The following ARV1 variants were observed in gnomAD, a reference collection of about 807,000 sequenced individuals.
ARV1 encodes protein ARV1.
ARV1 carries 26 observed loss-of-function variants against 31.1 expected under a neutral mutation model. That is an observed-to-expected ratio of 0.84 (90% CI 0.61 to 1.16). The LOEUF is 1.16. Ranked by LOEUF, ARV1 falls within the 50% of genes most tolerant of loss-of-function variation. The probability of loss-of-function intolerance (pLI) is 0.00; values close to 1 mark genes in which losing one functional copy is unlikely to be tolerated. For synonymous variants in ARV1, 117 were observed against 123.2 expected, an observed-to-expected ratio of 0.95 and a Z score of 0.34; for missense variants, 281 against 324.9, an observed-to-expected ratio of 0.86 and a Z score of 1.04.
intron 3 of ARV1, 84 bp from the exon 4 acceptor site, chr1:230,995,676 T>C: frequency 9.8e-7 from 1 of 1,020,800 alleles, no homozygotes; most frequent in Non-Finnish European, 1.4e-6. Flanking sequence ...ATAAGCTGTA[T>C]TTTAGAATGG....
At chr1:230,991,496 C>T (rs902482964) in intron 3 of ARV1, among the ~76,000 whole-genome samples, 1 of 152,184 alleles carries the variant, frequency 6.6e-6, no homozygotes, top group Non-Finnish European at 1.5e-5. Context: ...CAGCCTTCTC[C>T]TTCTCAGTTG....
At chr1:230,990,989 C>T (rs565458580) in intron 3 of ARV1, among the ~76,000 whole-genome samples, 11 of 152,154 alleles carry the variant, frequency 7.2e-5, no homozygotes, top group Non-Finnish European at 1.3e-4. Context: ...TTGCATTATA[C>T]TAATGCAGTG....
chr1:230,986,668 A>ATTTTTTTTTTTTTTTTTTTTTTTT (rs1162209283), intron 1 of ARV1, among the ~76,000 whole-genome samples: 8 of 62,288 alleles, frequency 1.3e-4, no homozygotes, highest in Non-Finnish European at 1.9e-4. Flanking sequence ...TACTTTTCCT[A>ATTTTTTTTTTTTTTTTTTTTTTTT]TTTTTTTTTT....
intron 3 of ARV1, among the ~76,000 whole-genome samples, chr1:230,992,916 C>T (rs1311256900): frequency 6.6e-6 from 1 of 152,044 alleles, no homozygotes; most frequent in Middle Eastern, 3.2e-3. Flanking sequence ...ATTTTGTATA[C>T]AATTTGGACT....
intron 5 of ARV1, among the ~76,000 whole-genome samples, chr1:230,997,969 G>A (rs1396974668): frequency 6.6e-5 from 10 of 152,174 alleles, no homozygotes; most frequent in Admixed American, 2.6e-4. Flanking sequence ...TGTTCTGGTC[G>A]TCCCCTTTGT....
At chr1:230,987,759 C>T (rs1459488429) in intron 1 of ARV1, among the ~76,000 whole-genome samples, 1 of 152,158 alleles carries the variant, frequency 6.6e-6, no homozygotes, top group East Asian at 1.9e-4. Context: ...GAGAAAAACC[C>T]AGGCTTCCCC....
chr1:230,983,153 GC>G (rs749714936), intron 1 of ARV1, among the ~76,000 whole-genome samples: 16 of 152,130 alleles, frequency 1.1e-4, no homozygotes, highest in Non-Finnish European at 1.5e-4. Context: ...GGTGGCTCAT[GC>G]CTGTAATCCC....
chr1:230,994,651 C>T (rs1245846341), intron 3 of ARV1, among the ~76,000 whole-genome samples: 1 of 151,798 alleles, frequency 6.6e-6, no homozygotes, highest in East Asian at 1.9e-4. Flanking sequence ...ACGCCATTCT[C>T]CTGCGTCAGC....
At chr1:230,988,821 A>C (rs1020331849) in intron 2 of ARV1, among the ~76,000 whole-genome samples, 1 of 152,258 alleles carries the variant, frequency 6.6e-6, no homozygotes, top group African/African-American at 2.4e-5. Context: ...TTTTTAAAAC[A>C]TAATTTATTG....
chr1:230,989,914 A>T (rs1679182619), intron 2 of ARV1, among the ~76,000 whole-genome samples, 196 bp from the exon 3 acceptor site: 1 of 152,172 alleles, frequency 6.6e-6, no homozygotes. Context: ...TTTTGAAAAA[A>T]ATCTCCCCAT....
In ARV1 at chr1:230,986,666, C is replaced by CTTTTTTTTTTTTTTTTTTTTTTTT. The variant is rs1558242688; in HGVS notation, c.175-1653_175-1652insTTTTTTTTTTTTTTTTTTTTTTTT. Among the ~76,000 whole-genome samples the CTTTTTTTTTTTTTTTTTTTTTTTT allele has an allele frequency of 1.8e-4, 14 of 79,690 alleles. 6 individuals carry two copies. Among genetic ancestry groups the CTTTTTTTTTTTTTTTTTTTTTTTT allele is most frequent in the Non-Finnish European group, 2.2e-4 (9 of 40,032 alleles). The allele number at this position is 79,690 out of a possible 152,430, so 52.3% of individuals were successfully genotyped here. A position where few individuals can be genotyped will look rare whatever the true frequency, so the allele number is the denominator to read the frequency against. On this transcript the variant is annotated intron_variant, in intron 1 of 5. Transcript: ENST00000310256. ...TCCACCCACAAATGTAATACTTTTCCTATTTTTTTTTTTTTTTTTTTTTTT... is the reference window on the plus strand; with the variant it reads ...TCCACCCACAAATGTAATACTTTTCCTTTTTTTTTTTTTTTTTTTTTTTTTATTTTTTTTTTTTTTTTTTTTTTT...
chr1:230,981,439 A>T (rs1262811797), intron 1 of ARV1, among the ~76,000 whole-genome samples: 3 of 152,182 alleles, frequency 2.0e-5, no homozygotes, highest in African/African-American at 7.2e-5. Flanking sequence ...CCTTGGTGTC[A>T]TCCCTATTTC....
At chr1:230,982,993 C>T (rs1678953194) in intron 1 of ARV1, among the ~76,000 whole-genome samples, 1 of 152,106 alleles carries the variant, frequency 6.6e-6, no homozygotes, top group South Asian at 2.1e-4. Flanking sequence ...CTTGTTTCTT[C>T]ACTGCCATTC....
chr1:230,995,717 T>C lies in ARV1; in HGVS notation c.449-43T>C, dbSNP rs1679341077. The stretch of plus-strand genomic sequence containing the variant: ...TATTTGTTTTTAAGGGGATATATTT[T>C]GGATGGGGACATTCATACTTTTATT... On this transcript the variant is annotated intron_variant, in intron 3 of 5. Coordinates refer to ENST00000310256, the MANE Select transcript of ARV1 (RefSeq NM_022786.3). The C allele has an allele frequency of 2.7e-6, 4 of 1,470,952 alleles. No homozygotes were observed. In the East Asian group the frequency reaches 9.2e-5, roughly 34 times the overall value. The allele number at this position is 1,470,952 out of a possible 1,614,324, so 91.1% of individuals were successfully genotyped here.
intron 1 of ARV1, among the ~76,000 whole-genome samples, chr1:230,986,730 T>G (rs995265959): frequency 7.5e-6 from 1 of 132,690 alleles, no homozygotes; most frequent in Non-Finnish European, 1.6e-5. Context: ...CGAGACAGGG[T>G]CTTGCTTTGT....
chr1:230,981,406 T>A (rs1218380328), intron 1 of ARV1, among the ~76,000 whole-genome samples: 3 of 152,342 alleles, frequency 2.0e-5, no homozygotes, highest in Non-Finnish European at 2.9e-5. Flanking sequence ...AACTTTACCA[T>A]TTTAACTCCT....
intron 3 of ARV1, among the ~76,000 whole-genome samples, chr1:230,995,064 A>G (rs1260161766): frequency 6.6e-6 from 1 of 152,244 alleles, no homozygotes; most frequent in Non-Finnish European, 1.5e-5. Flanking sequence ...GGGTAATCGG[A>G]TGACTAACAA....
chr1:230,984,682 T>A (rs1679013025), intron 1 of ARV1, among the ~76,000 whole-genome samples: 1 of 152,210 alleles, frequency 6.6e-6, no homozygotes. Context: ...GCAATAATTC[T>A]ACAGAAGTAA....
intron 1 of ARV1, among the ~76,000 whole-genome samples, chr1:230,988,105 T>C (rs1558243254): frequency 2.0e-5 from 3 of 152,230 alleles, no homozygotes. Context: ...CGTTAAAATA[T>C]TAATATTCCT....
Sources: gnomAD v4.1 joint callset for allele counts (sites outside exome capture counted in the v4.1 genomes callset) on GRCh38, gnomAD v4.1.1 for gene constraint, MANE v1.5 for transcripts, NCBI Gene and HGNC (gene_info 2026-07-23, HGNC 2026-07-21) for gene names.